The following NLE1 variants were observed in gnomAD, a reference collection of about 807,000 sequenced individuals.
The protein encoded by NLE1 is notchless protein homolog 1.
A neutral mutation model predicts 62.8 loss-of-function variants in NLE1; 37 were observed. That is an observed-to-expected ratio of 0.59 (90% CI 0.45 to 0.78). NLE1 has a LOEUF of 0.78. NLE1 is among the 30% of genes least tolerant of loss of function. NLE1 has a pLI of 0.00. For synonymous variants in NLE1, 243 were observed against 253.0 expected, an observed-to-expected ratio of 0.96 and a Z score of 0.37; for missense variants, 555 against 637.9, an observed-to-expected ratio of 0.87 and a Z score of 1.40.
intron 4 of NLE1, among the ~76,000 whole-genome samples, chr17:35,138,783 T>A (rs779161545): frequency 2.0e-5 from 3 of 152,168 alleles, no homozygotes; most frequent in Non-Finnish European, 4.4e-5. Flanking sequence ...GCGGGGCAAT[T>A]CTGATTTGTG....
In NLE1 at chr17:35,132,468, T is replaced by A. The variant is rs200995729; in HGVS notation, c.1446-19A>T. 21 of 1,384,420 alleles carry A rather than the reference T, an allele frequency of 1.5e-5. No individual in the cohort carries two copies. In the African/African-American group the frequency reaches 2.1e-4, roughly 14 times the overall value. The allele number at this position is 1,384,420 out of a possible 1,614,324, so 85.8% of individuals were successfully genotyped here. On this transcript the variant is annotated intron_variant, in intron 12 of 12. Transcript: ENST00000442241. Reference sequence around the variant, plus strand: ...CCTCCATCTGTGGAGAAGGGAAGGGTGTCAGGATGGGGATTCCACCTTAGG... The same window carrying A: ...CCTCCATCTGTGGAGAAGGGAAGGGAGTCAGGATGGGGATTCCACCTTAGG...
chr17:35,130,055 T>C lies in NLE1; in HGVS notation c.*2382A>G, dbSNP rs1195835537. On this transcript the variant is annotated 3_prime_UTR_variant, in exon 13 of 13. Transcript: ENST00000442241. ...GGTATGGGGTAGGGGTATGGGGGTA[T>C]AGAGGCCTGAGTACAGACAGCCCTT... 10 of 1,408,670 alleles carry C rather than the reference T, an allele frequency of 7.1e-6. No individual in the cohort carries two copies. The highest frequency in any genetic ancestry group is 9.2e-6 in the Non-Finnish European group (10 of 1,085,652). The allele number at this position is 1,408,670 out of a possible 1,614,324, so 87.3% of individuals were successfully genotyped here. A position where few individuals can be genotyped will look rare whatever the true frequency, so the allele number is the denominator to read the frequency against.
rs748945159 is a variant in NLE1, at chr17:35,133,473, C to T, written c.1240G>A (p.Val414Met). 4 of 1,613,254 alleles carry T rather than the reference C, an allele frequency of 2.5e-6. No homozygotes were observed. Among genetic ancestry groups the T allele is most frequent in the South Asian group, 2.2e-5 (2 of 90,998 alleles). Reference protein sequence around the residue: ...GKYLASLRGHVAAVYQIAWSA... With the variant: ...GKYLASLRGHMAAVYQIAWSA... ...CACGCAATCTGGTACACGGCAGCCA[C>T]GTGGCCGCGTAGGGAAGCCAGGTAC... The change falls in exon 11 of 13, where the codon GTG (valine) becomes ATG (methionine). Residue 414 changes from valine to methionine, a missense_variant. Physicochemically the swap from Val to Met is conservative, Grantham distance 21. Coordinates refer to ENST00000442241, the MANE Select transcript of NLE1 (RefSeq NM_018096.5).
At chr17:35,135,551 A>C in intron 9 of NLE1, 100 bp from the exon 10 acceptor site, 1 of 1,048,588 alleles carries the variant, frequency 9.5e-7, no homozygotes, top group Admixed American at 2.0e-5. Context: ...ACTCAATGCC[A>C]GGGACAGAGA....
chr17:35,132,538 C>A, intron 12 of NLE1, 89 bp from the exon 13 acceptor site: 1 of 1,148,280 alleles, frequency 8.7e-7, no homozygotes, highest in South Asian at 3.1e-5. Flanking sequence ...GACGGACGGC[C>A]TGTGGTCCAC....
At position 35,142,130 on chromosome 17, in the gene NLE1, A is replaced by C; in HGVS notation, c.19-8T>G. 4 of 1,610,460 alleles carry C rather than the reference A, an allele frequency of 2.5e-6. No individual in the cohort carries two copies. Among genetic ancestry groups the C allele is most frequent in the Non-Finnish European group, 3.4e-6 (4 of 1,178,940 alleles). On this transcript the variant is annotated splice_polypyrimidine_tract_variant and splice_region_variant and intron_variant, in intron 1 of 12. Coordinates refer to ENST00000442241, the MANE Select transcript of NLE1 (RefSeq NM_018096.5). ...GCGCGCCACCGCCTCGTCCTGCGCG[A>C]GCAAGTGGGGCGGGAGTCAGTCTGG...
intron 12 of NLE1, among the ~76,000 whole-genome samples, chr17:35,132,671 G>A (rs933420207): frequency 3.9e-5 from 6 of 152,156 alleles, no homozygotes; most frequent in Admixed American, 3.9e-4. Flanking sequence ...ATGCCCACCA[G>A]CAAACAGTCA....
intron 10 of NLE1, 148 bp from the exon 11 acceptor site, chr17:35,133,646 TC>T: frequency 1.4e-6 from 1 of 715,576 alleles, no homozygotes; most frequent in Non-Finnish European, 2.3e-6. Context: ...CACTGCCTGG[TC>T]CCCATCCCAG....
In NLE1 at chr17:35,131,331, G is replaced by C. The variant is rs1567742677; in HGVS notation, c.*1106C>G. On this transcript the variant is annotated 3_prime_UTR_variant, in exon 13 of 13. Coordinates refer to ENST00000442241, the MANE Select transcript of NLE1 (RefSeq NM_018096.5). ...AAAGCACAGACAAGGGTGGAGGAGGGTAAGAAGGAGCAAGATGCTAGTTCT... is the reference window on the plus strand; with the variant it reads ...AAAGCACAGACAAGGGTGGAGGAGGCTAAGAAGGAGCAAGATGCTAGTTCT... The C allele has an allele frequency of 6.6e-6, 1 of 152,402 alleles. No homozygotes were observed. The allele number at this position is 152,402 out of a possible 1,614,324, so 9.4% of individuals were successfully genotyped here.
intron 4 of NLE1, among the ~76,000 whole-genome samples, chr17:35,138,634 G>T (rs1729534931): frequency 6.6e-6 from 1 of 152,136 alleles, no homozygotes; most frequent in African/African-American, 2.4e-5. Context: ...AGTAGAGATG[G>T]GGTTTCACTG....
Position 35,129,345 on chromosome 17 carries a change from G to T in NLE1, c.*3092C>A. 1 of 1,558,288 alleles carries T rather than the reference G, an allele frequency of 6.4e-7. No individual in the cohort carries two copies. On this transcript the variant is annotated 3_prime_UTR_variant, in exon 13 of 13. Coordinates refer to ENST00000442241, the MANE Select transcript of NLE1 (RefSeq NM_018096.5). The stretch of plus-strand genomic sequence containing the variant: ...GCAGGGGATGGGCATGGGACGTCCT[G>T]ACCCCAGTTGGGAGGGTGAAGGGAC...
intron 2 of NLE1, 111 bp downstream of exon 2, chr17:35,141,868 C>G (rs2091946185): frequency 7.9e-7 from 1 of 1,269,832 alleles, no homozygotes; most frequent in East Asian, 2.6e-5. Context: ...CCAGGTGGGT[C>G]ACCACAGTCC....
chr17:35,138,475 A>C (rs974856233), intron 4 of NLE1, among the ~76,000 whole-genome samples: 5 of 151,264 alleles, frequency 3.3e-5, no homozygotes, highest in African/African-American at 1.2e-4. Context: ...ATGGAGTCAC[A>C]CTCCATCACC....
At chr17:35,136,127 C>T (rs2142504375) in intron 9 of NLE1, 42 bp downstream of exon 9, 1 of 1,608,462 alleles carries the variant, frequency 6.2e-7, no homozygotes, top group East Asian at 2.2e-5. Context: ...TGGCTAAGGA[C>T]TGGTACAGAG....
In NLE1 at chr17:35,130,479, CCCAGGCCCTCAGAAA is replaced by C. The variant is rs1327841049; in HGVS notation, c.*1943_*1957del. On this transcript the variant is annotated 3_prime_UTR_variant, in exon 13 of 13. Transcript: ENST00000442241. ...CCCCTCACCTACTTTCAGCTTCAACCCCAGGCCCTCAGAAACCAGAGCCATGAGACCTACCATACC... is the reference window on the plus strand; with the variant it reads ...CCCCTCACCTACTTTCAGCTTCAACCCCAGAGCCATGAGACCTACCATACC... 3 of 1,585,448 alleles carry C rather than the reference CCCAGGCCCTCAGAAA, an allele frequency of 1.9e-6. No homozygotes were observed. The highest frequency in any genetic ancestry group is 2.6e-6 in the Non-Finnish European group (3 of 1,163,630).
In NLE1 at chr17:35,135,443, A is replaced by G; in HGVS notation, c.1020T>C (p.Gly340=). ...LSRYNLVRGQ[G]PERLVSGSDD... is the part of the protein sequence containing the mutation. ...CGGAGCCAGACACCAGCCTCTCTGG[A>G]CCCTGGCCCTAGGGGAGGCAGAAAG... The change falls in exon 10 of 13, where the codon GGT becomes GGC. Residue 340 remains glycine (G), a synonymous_variant. Coordinates refer to ENST00000442241, the MANE Select transcript of NLE1 (RefSeq NM_018096.5). 1 of 1,613,996 alleles carries G rather than the reference A, an allele frequency of 6.2e-7. No individual in the cohort carries two copies. The highest frequency in any genetic ancestry group is 8.5e-7 in the Non-Finnish European group (1 of 1,179,946).
At position 35,139,240 on chromosome 17, in the gene NLE1, C is replaced by T; in HGVS notation, c.455G>A (p.Cys152Tyr). The T allele has an allele frequency of 7.4e-6, 12 of 1,613,646 alleles. No individual in the cohort carries two copies. The highest frequency in any genetic ancestry group is 5.9e-6 in the Non-Finnish European group (7 of 1,179,686). The change falls in exon 4 of 13, where the codon TGC becomes TAC. Residue 152 changes from cysteine to tyrosine, a missense_variant. Coordinates refer to ENST00000442241, the MANE Select transcript of NLE1 (RefSeq NM_018096.5). ...DLSTETPHFT[C>Y]KGHRHWVLSI... ...ATGGCTAATTGCATACTGACCCTTG[C>T]ATGTGAAATGTGGTGTCTCTGTGCT...
At chr17:35,134,708 C>T (rs1037119146) in intron 10 of NLE1, among the ~76,000 whole-genome samples, 1 of 152,144 alleles carries the variant, frequency 6.6e-6, no homozygotes, top group Non-Finnish European at 1.5e-5. Context: ...CCTGAACTAG[C>T]ATTTTTAGTG....
rs924385336 is a variant in NLE1, at chr17:35,131,747, G to C, written c.*690C>G. On this transcript the variant is annotated 3_prime_UTR_variant, in exon 13 of 13. Transcript: ENST00000442241. ...TGACCAGCAGAACTCTCTTGATGAT[G>C]AAAACCTTTCTGTGTGCTGTCCAAT... The C allele has an allele frequency of 6.6e-6, 1 of 152,358 alleles. No homozygotes were observed. Among genetic ancestry groups the C allele is most frequent in the Non-Finnish European group, 1.5e-5 (1 of 68,122 alleles). The allele number at this position is 152,358 out of a possible 1,614,324, so 9.4% of individuals were successfully genotyped here.
Sources: allele counts gnomAD v4.1 joint callset (sites outside exome capture counted in the v4.1 genomes callset), GRCh38; gene constraint gnomAD v4.1.1; transcripts MANE v1.5; gene names NCBI Gene and HGNC (gene_info 2026-07-23, HGNC 2026-07-21).